KRTAP9-7: variants seen among roughly 807,000 people sequenced by gnomAD.
KRTAP9-7 encodes the protein keratin associated protein 9-7, also known as keratin-associated protein 9-7.
For missense variants in KRTAP9-7, 157 were observed against 198.3 expected (o/e 0.79, Z 1.25); for synonymous variants, 68 against 72.5 (o/e 0.94, Z 0.32).
exon 1 of KRTAP9-7, chr17:41,276,056 G>C (rs776506149): frequency 5.6e-6 from 9 of 1,613,528 alleles, no homozygotes; most frequent in Middle Eastern, 1.7e-4. Context: ...CACCCCACGA[G>C]TGTCTACCTG....
rs58678386 is a variant in KRTAP9-7 at position 41,275,948 on chromosome 17, T to C, written c.251T>C (p.Ile84Thr). The C allele has an allele frequency of 9.1e-5, 146 of 1,612,096 alleles. No individual in the cohort carries two copies. The African/African-American group carries it at 1.2e-3, about 13-fold the overall frequency. ...TGCAGCACACCCTGCTGCCAGCCCA[T>C]CTGCTGTGGGTCCAGCTGCTGTGGC... The change falls in exon 1 of 1, where the codon ATC (isoleucine) becomes ACC (threonine). Residue 84 changes from isoleucine to threonine, a missense_variant. Transcript: ENST00000391354.
exon 1 of KRTAP9-7, chr17:41,276,124 G>T (rs12948664): frequency 2.5e-6 from 4 of 1,611,276 alleles, no homozygotes; most frequent in Non-Finnish European, 2.5e-6. Flanking sequence ...CTGCCGCCCA[G>T]CCTGCTGTGA....
exon 1 of KRTAP9-7, chr17:41,276,195 T>G (rs745585383): frequency 6.2e-7 from 1 of 1,614,082 alleles, no homozygotes; most frequent in South Asian, 1.1e-5. Context: ...GCTGTCAGCC[T>G]GCTTGCTGCT....
Position 41,276,050 on chromosome 17 carries a change from C to T in KRTAP9-7, c.353C>T (p.Pro118Leu), listed in dbSNP as rs569968577. 3 of 1,613,720 alleles carry T rather than the reference C, an allele frequency of 1.9e-6. No individual in the cohort carries two copies. In the South Asian group the frequency reaches 3.3e-5, roughly 18 times the overall value. The change falls in exon 1 of 1, where the codon CCC becomes CTC. Residue 118 changes from proline (P) to leucine (L), a missense_variant. Coordinates refer to ENST00000391354, the Ensembl canonical transcript of KRTAP9-7. ...TACTGCAGGAGAACCTGCTACCACC[C>T]CACGAGTGTCTACCTGCCTGGTTGC... is the stretch of plus-strand genomic sequence containing the variant.
exon 1 of KRTAP9-7, chr17:41,275,934 C>T (rs754903838): frequency 1.2e-6 from 2 of 1,612,370 alleles, no homozygotes; most frequent in Non-Finnish European, 1.7e-6. Flanking sequence ...GCAGCACACC[C>T]TGCTGCCAGC....
exon 1 of KRTAP9-7, chr17:41,276,035 G>T: frequency 6.2e-7 from 1 of 1,613,528 alleles, no homozygotes; most frequent in Non-Finnish European, 8.5e-7. Flanking sequence ...TACTGCAGGA[G>T]AACCTGCTAC....
In KRTAP9-7 at chr17:41,275,733, C is replaced by G; in HGVS notation, c.36C>G (p.Thr12=). Residue 12 remains threonine, a synonymous_variant, in exon 1 of 1, where the codon ACC becomes ACG. Coordinates refer to ENST00000391354, the Ensembl canonical transcript of KRTAP9-7. ...GTTGCTCCCCTTGCTGTCAGCCTAC[C>G]TGCTGCAGGACCACCTGCTGGAAGC... 2 of 740,096 alleles carry G rather than the reference C, an allele frequency of 2.7e-6. 1 individual carries two copies. Among genetic ancestry groups the G allele is most frequent in the Non-Finnish European group, 3.7e-6 (2 of 545,286 alleles). 45.8% of individuals were successfully genotyped at this position (740,096 alleles called of 1,614,324 possible).
chr17:41,276,184 T>G (rs1381153763), exon 1 of KRTAP9-7: 26 of 1,614,166 alleles, frequency 1.6e-5, no homozygotes, highest in Non-Finnish European at 2.0e-5. Context: ...TGTGACCAGC[T>G]GCTGTCAGCC....
At chr17:41,276,154 A>G (rs765766284) in exon 1 of KRTAP9-7, 15 of 1,613,862 alleles carry the variant, frequency 9.3e-6, no homozygotes, top group Non-Finnish European at 1.3e-5. Context: ...CTGCAGGACC[A>G]CTTGCTTCCA....
chr17:41,275,903 G>T, exon 1 of KRTAP9-7: 1 of 1,610,556 alleles, frequency 6.2e-7, no homozygotes, highest in Non-Finnish European at 8.5e-7. Flanking sequence ...TGTGTGACCA[G>T]CTGCTGCCAG....
exon 1 of KRTAP9-7, chr17:41,275,945 C>T: frequency 6.2e-7 from 1 of 1,613,544 alleles, no homozygotes; most frequent in Non-Finnish European, 8.5e-7. Context: ...TGCTGCCAGC[C>T]CATCTGCTGT....
chr17:41,276,099 C>G (rs2016521323), exon 1 of KRTAP9-7: 1 of 1,613,906 alleles, frequency 6.2e-7, no homozygotes. Context: ...GTGGCTCCAG[C>G]TGCTGCCAGC....
exon 1 of KRTAP9-7, chr17:41,276,146 G>A: frequency 1.9e-6 from 3 of 1,614,180 alleles, no homozygotes; most frequent in Non-Finnish European, 2.5e-6. Context: ...ACTACCTGCT[G>A]CAGGACCACT....
chr17:41,275,905 T>C lies in KRTAP9-7; in HGVS notation c.208T>C (p.Cys70Arg), dbSNP rs746191229. The C allele has an allele frequency of 3.0e-5, 48 of 1,611,662 alleles. 2 individuals carry two copies. The South Asian group carries it at 5.2e-4, about 17-fold the overall frequency. ...CTGCCAGCCCACCTGTGTGACCAGC[T>C]GCTGCCAGCCTTCCTGCTGCAGCAC... Residue 70 changes from cysteine to arginine, a missense_variant, in exon 1 of 1, where the codon TGC becomes CGC. Physicochemically the swap from Cys to Arg is radical, Grantham distance 180. Coordinates refer to ENST00000391354, the Ensembl canonical transcript of KRTAP9-7.
At chr17:41,275,973 C>A (rs1008665548) in exon 1 of KRTAP9-7, 1 of 1,613,672 alleles carries the variant, frequency 6.2e-7, no homozygotes. Flanking sequence ...GCTGCTGTGG[C>A]CAAACCAGCT....
rs772273978 is a variant in KRTAP9-7, at chr17:41,275,708, G to A, written c.11G>A (p.Cys4Tyr). 2.3e-5 allele frequency: 17 copies of A among 736,826 alleles called. 6 individuals are homozygous for A. In the East Asian group the frequency reaches 6.7e-4, roughly 29 times the overall value. The allele number at this position is 736,826 out of a possible 1,614,324, so 45.6% of individuals were successfully genotyped here. ...TCCACCCCTGACACCATGACCCACT[G>A]TTGCTCCCCTTGCTGTCAGCCTACC... The change falls in exon 1 of 1, where the codon TGT becomes TAT. Residue 4 changes from cysteine to tyrosine, a missense_variant. Transcript: ENST00000391354.
At chr17:41,276,079 A>T in exon 1 of KRTAP9-7, 1 of 1,610,394 alleles carries the variant, frequency 6.2e-7, no homozygotes, top group South Asian at 1.1e-5. Flanking sequence ...TGGTTGCCTA[A>T]ACCAGAGCTG....
chr17:41,275,755 A>C (rs78283750), exon 1 of KRTAP9-7: 8,279 of 582,808 alleles, frequency 0.014, 3,279 homozygotes, highest in African/African-American at 0.13. Context: ...CACCTGCTGG[A>C]AGCCCACCAC....
At chr17:41,276,002 A>T (rs772959049) in exon 1 of KRTAP9-7, 2 of 1,613,988 alleles carry the variant, frequency 1.2e-6, no homozygotes, top group East Asian at 4.5e-5. Flanking sequence ...AGCTGCTGCC[A>T]GCCCAGCTCC....
Sources: gnomAD v4.1 joint callset for allele counts on GRCh38, gnomAD v4.1.1 for gene constraint, MANE v1.5 for transcripts, NCBI Gene and HGNC (gene_info 2026-07-23, HGNC 2026-07-21) for gene names.